The following COL4A5 variants were observed in gnomAD, a reference collection of about 807,000 sequenced individuals.
COL4A5 encodes the protein collagen alpha-5(IV) chain.
In COL4A5, 26 loss-of-function variants were observed where a neutral mutation model predicts 130.2. That is an observed-to-expected ratio of 0.20 (90% CI 0.15 to 0.28). The LOEUF (loss-of-function observed/expected upper bound fraction) is 0.28, where lower values mean the gene tolerates loss of function less well. COL4A5 is among the 10% of genes least tolerant of loss of function. COL4A5 has a pLI of 1.00. For missense variants in COL4A5, 1,131 were observed against 1,344.3 expected (o/e 0.84, Z 2.48); for synonymous variants, 496 against 439.6 (o/e 1.13, Z -1.60).
intron 24 of COL4A5, among the ~76,000 whole-genome samples, 193 bp from the exon 25 acceptor site, chrX:108,598,509 A>G (rs952552333): frequency 8.9e-6 from 1 of 112,122 alleles, no homozygotes; most frequent in African/African-American, 3.2e-5. Context: ...GACACATAGT[A>G]GGAGCCCAAA....
chrX:108,571,780 A>G, intron 7 of COL4A5, 31 bp from the exon 8 acceptor site: 1 of 1,107,450 alleles, frequency 9.0e-7, no homozygotes, highest in Non-Finnish European at 1.2e-6. Context: ...TCTCATACAT[A>G]TAAAATAATC....
Position 108,614,940 on chromosome X carries a change from C to T in COL4A5, c.2425C>T (p.Pro809Ser). 1 of 1,210,277 alleles carries T rather than the reference C, an allele frequency of 8.3e-7. No individual in the cohort carries two copies. The change falls in exon 30 of 53, where the codon CCA becomes TCA. Residue 809 changes from proline (P) to serine (S), a missense_variant. Transcript: ENST00000328300. ...TGTTGGACCAAATGGACAACCTGGA[C>T]CAATGGGACCTCCTGGGCTGCCAGG... The part of the protein sequence containing the change: ...GDVGPNGQPG[P>S]MGPPGLPGIG...
At chrX:108,592,331 C>G (rs1294193694) in intron 21 of COL4A5, among the ~76,000 whole-genome samples, 1 of 110,774 alleles carries the variant, frequency 9.0e-6, no homozygotes, top group African/African-American at 3.3e-5. Context: ...GATTTTTTTT[C>G]CAGCAATTTT....
chrX:108,656,170 C>A (rs1464759049), intron 37 of COL4A5, among the ~76,000 whole-genome samples: 3 of 111,374 alleles, frequency 2.7e-5, no homozygotes, highest in Non-Finnish European at 5.7e-5. Context: ...TGCCCCTACG[C>A]CCCCCAACCC....
At chrX:108,686,523 T>TA (rs2068548618) in intron 48 of COL4A5, among the ~76,000 whole-genome samples, 1 of 111,647 alleles carries the variant, frequency 9.0e-6, no homozygotes, top group Non-Finnish European at 1.9e-5. Context: ...AAATGAACAG[T>TA]TTAAGTGATT....
At chrX:108,646,083 T>G (rs201731234) in intron 36 of COL4A5, among the ~76,000 whole-genome samples, 2 of 107,811 alleles carry the variant, frequency 1.9e-5, no homozygotes, top group East Asian at 6.0e-4. Flanking sequence ...TATAATCCTT[T>G]GGTATATACC....
At chrX:108,671,658 T>G (rs774669091) in intron 42 of COL4A5, among the ~76,000 whole-genome samples, 1 of 111,769 alleles carries the variant, frequency 8.9e-6, no homozygotes, top group East Asian at 2.8e-4. Context: ...GGAAAATTAC[T>G]AAGAGGAGAC....
At chrX:108,553,652 A>C (rs976581497) in intron 2 of COL4A5, among the ~76,000 whole-genome samples, 1 of 111,244 alleles carries the variant, frequency 9.0e-6, no homozygotes, top group Non-Finnish European at 1.9e-5. Flanking sequence ...GTATAAGTGG[A>C]AAATGATCTA....
chrX:108,500,403 G>A (rs2065069556), intron 1 of COL4A5, among the ~76,000 whole-genome samples: 1 of 111,870 alleles, frequency 8.9e-6, no homozygotes, highest in Non-Finnish European at 1.9e-5. Flanking sequence ...AATTGTCACA[G>A]CAAAATGCAT....
At chrX:108,612,434 A>G (rs1042636758) in intron 29 of COL4A5, among the ~76,000 whole-genome samples, 2 of 111,657 alleles carry the variant, frequency 1.8e-5, no homozygotes, top group African/African-American at 6.5e-5. Flanking sequence ...CTAGAACTAA[A>G]AGGTGAATTT....
chrX:108,650,292 C>T (rs1048547486), intron 36 of COL4A5, among the ~76,000 whole-genome samples: 3 of 110,535 alleles, frequency 2.7e-5, no homozygotes, highest in South Asian at 3.9e-4. Context: ...GGTGTGGATG[C>T]GGTGATCAGG....
chrX:108,687,387 T>C, intron 48 of COL4A5, 95 bp from the exon 49 acceptor site: 1 of 735,755 alleles, frequency 1.4e-6, no homozygotes, highest in East Asian at 3.2e-5. Flanking sequence ...TCAAATAAAT[T>C]AACTAGTCAA....
chrX:108,638,565 C>T (rs2067396708), intron 36 of COL4A5, among the ~76,000 whole-genome samples: 1 of 111,554 alleles, frequency 9.0e-6, no homozygotes, highest in East Asian at 2.8e-4. Context: ...GAATTCCTAG[C>T]CAGACCAATT....
chrX:108,453,208 G>T (rs891641535), intron 1 of COL4A5, among the ~76,000 whole-genome samples: 1 of 111,463 alleles, frequency 9.0e-6, no homozygotes, highest in African/African-American at 3.3e-5. Context: ...CTTAAAAAAA[G>T]CTAGTTGATA....
rs746538984 is a variant in COL4A5 at position 108,578,680 on chromosome X, A to ATT, written c.780+312_780+313dup. Among the ~76,000 whole-genome samples, 566 of 98,614 alleles carry ATT rather than the reference A, an allele frequency of 5.7e-3. 4 individuals carry two copies. Among genetic ancestry groups the ATT allele is most frequent in the East Asian group, 0.036 (116 of 3,203 alleles). The allele number at this position is 98,614 out of a possible 115,157, so 85.6% of individuals were successfully genotyped here. A position where few individuals can be genotyped will look rare whatever the true frequency, so the allele number is the denominator to read the frequency against. On this transcript the variant is annotated intron_variant, in intron 13 of 52. Coordinates refer to ENST00000328300, the MANE Select transcript of COL4A5 (RefSeq NM_033380.3). ...AAATAACAAGGATTTGAGATTATTA[A>ATT]TTTTTTTTTTTTTTTTGAGACTAAG...
chrX:108,552,109 C>T (rs889316994), intron 2 of COL4A5, among the ~76,000 whole-genome samples: 1 of 111,491 alleles, frequency 9.0e-6, no homozygotes, highest in Admixed American at 9.5e-5. Context: ...GTACGACACT[C>T]ACTACCTGGG....
rs914084019 is a variant in COL4A5 at position 108,697,381 on chromosome X, T to C, written c.*1003T>C. The C allele has an allele frequency of 2.7e-5, 3 of 111,010 alleles. No homozygotes were observed. The highest frequency in any genetic ancestry group is 9.8e-5 in the African/African-American group (3 of 30,611). The allele number at this position is 111,010 out of a possible 1,213,427, so 9.1% of individuals were successfully genotyped here. On this transcript the variant is annotated 3_prime_UTR_variant, in exon 53 of 53. Coordinates refer to ENST00000328300, the MANE Select transcript of COL4A5 (RefSeq NM_033380.3). ...TGGGAAACAACACTTGGTTAGTCTC[T>C]TTTAAGTTACAAAAAGCCAATTGAT...
intron 27 of COL4A5, among the ~76,000 whole-genome samples, chrX:108,602,500 T>C (rs1331078405): frequency 8.9e-6 from 1 of 112,654 alleles, no homozygotes. Context: ...TGAGGACAGT[T>C]CTTAAATATA....
intron 26 of COL4A5, 115 bp downstream of exon 26, chrX:108,601,600 T>A: frequency 7.3e-6 from 4 of 549,759 alleles, no homozygotes; most frequent in Middle Eastern, 5.4e-4. Context: ...GATGTTGGCT[T>A]GCTGCAGCAA....
Sources: allele counts gnomAD v4.1 joint callset (sites outside exome capture counted in the v4.1 genomes callset), GRCh38; gene constraint gnomAD v4.1.1; transcripts MANE v1.5; gene names NCBI Gene and HGNC (gene_info 2026-07-23, HGNC 2026-07-21).